The following FHOD3 variants were observed in gnomAD, a reference collection of about 807,000 sequenced individuals.
FHOD3 encodes FH1/FH2 domain-containing protein 3.
A neutral mutation model predicts 173.0 loss-of-function variants in FHOD3; 90 were observed. The ratio of observed to expected loss-of-function variants is 0.52; its 90% CI spans 0.44 to 0.62. The LOEUF (loss-of-function observed/expected upper bound fraction) is 0.62, where lower values mean the gene tolerates loss of function less well. Among genes scored for constraint, FHOD3 ranks in the 20% least tolerant of loss-of-function variants. FHOD3 has a pLI of 0.00. For missense variants in FHOD3, 1,945 were observed against 2,034.7 expected (o/e 0.96, Z 0.85); for synonymous variants, 828 against 823.0 (o/e 1.01, Z -0.10).
At position 36,463,718 on chromosome 18, in the gene FHOD3, A is replaced by C. The variant is rs999239489; in HGVS notation, c.338-38214A>C. Among the ~76,000 whole-genome samples, 4 of 151,838 alleles carry C rather than the reference A, an allele frequency of 2.6e-5. No individual in the cohort carries two copies. In the South Asian group the frequency reaches 8.3e-4, roughly 32 times the overall value. ...ACCATGTTGCCCAGGCTGTTCTCGA[A>C]CTCCTGTGCTTAAGCAATCTGCCCG... On this transcript the variant is annotated intron_variant, in intron 3 of 28. Transcript: ENST00000590592.
At chr18:36,666,450 C>T (rs889379523) in intron 14 of FHOD3, among the ~76,000 whole-genome samples, 3 of 152,232 alleles carry the variant, frequency 2.0e-5, no homozygotes, top group Admixed American at 6.5e-5. Flanking sequence ...CTGGGCATAA[C>T]TTAGAGTTAC....
chr18:36,495,013 G>A (rs2054666958), intron 3 of FHOD3, among the ~76,000 whole-genome samples: 1 of 152,102 alleles, frequency 6.6e-6, no homozygotes, highest in South Asian at 2.1e-4. Context: ...CATGATCATG[G>A]CTCACTGCAG....
Position 36,512,471 on chromosome 18 carries a change from G to A in FHOD3, c.439G>A (p.Ala147Thr). ...DKDLVHEFVVAEGLTCLIKVG... is the reference protein window; with the variant it reads ...DKDLVHEFVVTEGLTCLIKVG... ...GGATTTGGTGCATGAATTTGTAGTG[G>A]CTGAAGGTCTGACATGTTTGATCAA... The change falls in exon 5 of 29, where the codon GCT becomes ACT. Residue 147 changes from alanine (A) to threonine (T), a missense_variant. Ala to Thr is a moderately conservative substitution (Grantham distance 58). Around this residue, in one of 5 missense-constraint regions of FHOD3, gnomAD observed 245 missense variants for 267.7 expected, o/e 0.92. Transcript: ENST00000590592. The A allele has an allele frequency of 1.2e-6, 2 of 1,614,066 alleles. No individual in the cohort carries two copies. The highest frequency in any genetic ancestry group is 1.7e-6 in the Non-Finnish European group (2 of 1,180,014).
At chr18:36,492,250 T>G (rs1037517892) in intron 3 of FHOD3, among the ~76,000 whole-genome samples, 1 of 152,178 alleles carries the variant, frequency 6.6e-6, no homozygotes, top group African/African-American at 2.4e-5. Context: ...TTGTTCCATG[T>G]CACCTCATCT....
At chr18:36,706,586 T>C (rs1390540245) in intron 17 of FHOD3, among the ~76,000 whole-genome samples, 1 of 152,172 alleles carries the variant, frequency 6.6e-6, no homozygotes, top group East Asian at 1.9e-4. Context: ...GCTGCTTGGG[T>C]AGAGTCCTGC....
chr18:36,612,577 C>G (rs771650740), intron 9 of FHOD3, among the ~76,000 whole-genome samples: 1 of 152,178 alleles, frequency 6.6e-6, no homozygotes. Context: ...CAACTCTTCA[C>G]TTTCTTCTGT....
At chr18:36,757,381 A>C (rs1159160899) in intron 25 of FHOD3, among the ~76,000 whole-genome samples, 1 of 152,172 alleles carries the variant, frequency 6.6e-6, no homozygotes, top group Admixed American at 6.5e-5. Context: ...TCAATTATTA[A>C]GGGCTCATTG....
intron 2 of FHOD3, 116 bp downstream of exon 2, chr18:36,355,761 C>T: frequency 2.5e-6 from 2 of 789,156 alleles, no homozygotes; most frequent in Non-Finnish European, 4.1e-6. Context: ...TCTTAATTCT[C>T]AATCACACAC....
At chr18:36,401,582 G>A (rs550610509) in intron 3 of FHOD3, among the ~76,000 whole-genome samples, 1 of 152,290 alleles carries the variant, frequency 6.6e-6, no homozygotes, top group East Asian at 1.9e-4. Context: ...CTGTGTATCA[G>A]CTCCAGCCAG....
intron 1 of FHOD3, among the ~76,000 whole-genome samples, chr18:36,314,216 G>C (rs143397133): frequency 3.9e-5 from 6 of 152,306 alleles, no homozygotes; most frequent in Non-Finnish European, 8.8e-5. Flanking sequence ...GGCGTCCCCT[G>C]CCTCATGGCC....
At position 36,622,288 on chromosome 18, in the gene FHOD3, TGTATC is replaced by T. The variant is rs760645188; in HGVS notation, c.958-3219_958-3215del. Among the ~76,000 whole-genome samples the T allele has an allele frequency of 1.8e-4, 27 of 152,306 alleles. 1 individual carries two copies. Among genetic ancestry groups the T allele is most frequent in the Admixed American group, 7.2e-4 (11 of 15,302 alleles). On this transcript the variant is annotated intron_variant, in intron 9 of 28. Transcript: ENST00000590592. The stretch of plus-strand genomic sequence containing the variant: ...ACATCGTCCCTCTAGTTAACAATAA[TGTATC>T]GTACACTTAGAATCTGATAAAAGAA...
Position 36,595,111 on chromosome 18 carries a change from C to T in FHOD3, c.718+213C>T, listed in dbSNP as rs368708264. On this transcript the variant is annotated intron_variant, in intron 7 of 28. Transcript: ENST00000590592. ...TGAAAGAAAAGTGCTCATGAGCTTA[C>T]CTGGGAGAGGTCAGATCCTGAGCTT... is the stretch of plus-strand genomic sequence containing the variant. Among the ~76,000 whole-genome samples, 5 of 152,240 alleles carry T rather than the reference C, an allele frequency of 3.3e-5. No homozygotes were observed. In the East Asian group the frequency reaches 5.8e-4, roughly 18 times the overall value.
intron 5 of FHOD3, among the ~76,000 whole-genome samples, chr18:36,526,102 T>C (rs1195413055): frequency 6.6e-6 from 1 of 152,234 alleles, no homozygotes; most frequent in East Asian, 1.9e-4. Flanking sequence ...TGTTTACTCA[T>C]TGATTAATCC....
chr18:36,297,729 G>C lies in FHOD3; in HGVS notation c.-107G>C, dbSNP rs2091829766. ...GGCGCGCCTGAGCCTGCGAGTCCGCGAGCCAGCGAGCTGCGGCTGCGGCCT... is the reference window on the plus strand; with the variant it reads ...GGCGCGCCTGAGCCTGCGAGTCCGCCAGCCAGCGAGCTGCGGCTGCGGCCT... On this transcript the variant is annotated 5_prime_UTR_variant, in exon 1 of 29. Transcript: ENST00000590592. 2 of 862,710 alleles carry C rather than the reference G, an allele frequency of 2.3e-6. No individual in the cohort carries two copies. The highest frequency in any genetic ancestry group is 1.0e-4 in the Admixed American group (2 of 19,142). The allele number at this position is 862,710 out of a possible 1,614,324, so 53.4% of individuals were successfully genotyped here.
At chr18:36,345,720 TGCC>T (rs1390821789) in intron 1 of FHOD3, among the ~76,000 whole-genome samples, 1 of 152,086 alleles carries the variant, frequency 6.6e-6, no homozygotes, top group Non-Finnish European at 1.5e-5. Flanking sequence ...GGAAAAAACA[TGCC>T]AAACACAGAG....
At chr18:36,628,108 A>T (rs1251948411) in intron 10 of FHOD3, among the ~76,000 whole-genome samples, 4 of 152,286 alleles carry the variant, frequency 2.6e-5, no homozygotes, top group African/African-American at 7.2e-5. Flanking sequence ...ATATTGTTCT[A>T]AAAAAATATA....
At chr18:36,559,702 A>C (rs2058023185) in intron 5 of FHOD3, among the ~76,000 whole-genome samples, 1 of 152,174 alleles carries the variant, frequency 6.6e-6, no homozygotes, top group Non-Finnish European at 1.5e-5. Context: ...AGAGTGATGA[A>C]ATCAGCTTAG....
At chr18:36,609,240 C>T (rs79441147) in intron 8 of FHOD3, among the ~76,000 whole-genome samples, 3,995 of 152,158 alleles carry the variant, frequency 0.026, 183 homozygotes, top group African/African-American at 0.092. Flanking sequence ...CCTGGGGAAG[C>T]TGCCATTTTT....
intron 5 of FHOD3, among the ~76,000 whole-genome samples, chr18:36,530,023 T>G (rs1475760382): frequency 6.7e-6 from 1 of 148,838 alleles, no homozygotes; most frequent in Non-Finnish European, 1.5e-5. Context: ...GGTTTGGTCA[T>G]GGGGGGTGGG....
Sources: gnomAD v4.1 joint callset for allele counts (sites outside exome capture counted in the v4.1 genomes callset) on GRCh38, gnomAD v4.1.1 for gene constraint, gnomAD v4.1.1 regional missense constraint, MANE v1.5 for transcripts, NCBI Gene and HGNC (gene_info 2026-07-23, HGNC 2026-07-21) for gene names.